The following PIP4K2A variants were observed in gnomAD, a reference collection of about 807,000 sequenced individuals.
PIP4K2A encodes phosphatidylinositol 5-phosphate 4-kinase type-2 alpha.
Under a neutral mutation model 42.9 loss-of-function variants are expected in PIP4K2A, and 14 were observed. The ratio of observed to expected loss-of-function variants is 0.33; its 90% CI spans 0.22 to 0.51. The LOEUF is 0.51. Among genes scored for constraint, PIP4K2A ranks in the 20% least tolerant of loss-of-function variants. The pLI is 0.97. For synonymous variants in PIP4K2A, 192 were observed against 192.2 expected (o/e 1.00, Z 0.01); for missense variants, 434 against 519.8 (o/e 0.83, Z 1.61).
chr10:22,549,544 A>AAAAT (rs1486803986), intron 7 of PIP4K2A, among the ~76,000 whole-genome samples: 1 of 152,128 alleles, frequency 6.6e-6, no homozygotes, highest in Non-Finnish European at 1.5e-5. Flanking sequence ...GAAGTCCAAG[A>AAAAT]AAATAACCTT....
At position 22,591,692 on chromosome 10, in the gene PIP4K2A, G is replaced by A. The variant is rs1837515299; in HGVS notation, c.429C>T (p.Ile143=). The A allele has an allele frequency of 6.2e-7, 1 of 1,613,624 alleles. No individual in the cohort carries two copies. Among genetic ancestry groups the A allele is most frequent in the Non-Finnish European group, 8.5e-7 (1 of 1,179,642 alleles). ...RFHTSYDKRY[I]IKTITSEDVA... is the part of the protein sequence containing the mutation. The stretch of plus-strand genomic sequence containing the variant: ...CGTCTTCACTGGTAATAGTCTTGAT[G>A]ATGTATCTTTTGTCGTAGGAAGTGT... The change falls in exon 4 of 10, where the codon ATC becomes ATT. Residue 143 remains isoleucine, a synonymous_variant. Coordinates refer to ENST00000376573, the MANE Select transcript of PIP4K2A (RefSeq NM_005028.5).
At chr10:22,550,825 A>T (rs1449134263) in intron 6 of PIP4K2A, 53 bp from the exon 7 acceptor site, 5 of 1,075,240 alleles carry the variant, frequency 4.7e-6, no homozygotes, top group Non-Finnish European at 7.2e-6. Context: ...AACCTAAAAA[A>T]ACCACATACA....
intron 1 of PIP4K2A, chr10:22,642,004 C>G (rs1838792407): frequency 6.6e-6 from 1 of 152,220 alleles, no homozygotes; most frequent in Non-Finnish European, 1.5e-5. Context: ...AGGACTCTTC[C>G]CATAATTTAA....
In PIP4K2A at chr10:22,714,385, T is replaced by C; in HGVS notation, c.-59A>G. ...CCCGAGGCCGGGGACCCGCCCTCTCTACACCCCGGCCCGGGGAGGCAGCCG... is the reference window on the plus strand; with the variant it reads ...CCCGAGGCCGGGGACCCGCCCTCTCCACACCCCGGCCCGGGGAGGCAGCCG... On this transcript the variant is annotated 5_prime_UTR_variant, in exon 1 of 10. It removes the in-frame stop codon of an upstream open reading frame in the 5' UTR. Coordinates refer to ENST00000376573, the MANE Select transcript of PIP4K2A (RefSeq NM_005028.5). 1 of 1,269,704 alleles carries C rather than the reference T, an allele frequency of 7.9e-7. No homozygotes were observed. Among genetic ancestry groups the C allele is most frequent in the Non-Finnish European group, 1.0e-6 (1 of 989,316 alleles). The allele number at this position is 1,269,704 out of a possible 1,614,324, so 78.7% of individuals were successfully genotyped here.
At chr10:22,623,086 CA>C (rs1838364967) in intron 1 of PIP4K2A, among the ~76,000 whole-genome samples, 1 of 151,928 alleles carries the variant, frequency 6.6e-6, no homozygotes, top group African/African-American at 2.4e-5. Flanking sequence ...CTGTGTAAAC[CA>C]ACATGGAACA....
chr10:22,700,136 C>A (rs1408227403), intron 1 of PIP4K2A, among the ~76,000 whole-genome samples: 4 of 152,152 alleles, frequency 2.6e-5, no homozygotes, highest in Admixed American at 2.0e-4. Context: ...GGTATGCAGT[C>A]CTGTTTCTCA....
chr10:22,568,186 C>G (rs1196680669), intron 5 of PIP4K2A, among the ~76,000 whole-genome samples: 1 of 152,264 alleles, frequency 6.6e-6, no homozygotes, highest in Non-Finnish European at 1.5e-5. Context: ...CTGACCATCA[C>G]TTACTTGAGC....
rs1027960347 is a variant in PIP4K2A at position 22,660,333 on chromosome 10, T to A, written c.145-50616A>T. ...TAAAATATAAAAAATTAGCCGGGTG[T>A]GGAAGCGCGTGCCTGTAATCCCAGC... is the stretch of plus-strand genomic sequence containing the variant. On this transcript the variant is annotated intron_variant, in intron 1 of 9. Coordinates refer to ENST00000376573, the MANE Select transcript of PIP4K2A (RefSeq NM_005028.5). Among the ~76,000 whole-genome samples, 5 of 151,992 alleles carry A rather than the reference T, an allele frequency of 3.3e-5. No homozygotes were observed. The East Asian group carries it at 9.6e-4, about 29-fold the overall frequency.
At chr10:22,615,793 T>A (rs75937098) in intron 1 of PIP4K2A, among the ~76,000 whole-genome samples, 5 of 152,162 alleles carry the variant, frequency 3.3e-5, no homozygotes, top group Non-Finnish European at 1.5e-5. Context: ...TGGTTGTCAA[T>A]CCCCTTTGGC....
chr10:22,664,218 CATATATATAT>C (rs71395811), intron 1 of PIP4K2A, among the ~76,000 whole-genome samples: 460 of 26,082 alleles, frequency 0.018, 23 homozygotes, highest in African/African-American at 0.066. Context: ...TATATATATA[CATATATATAT>C]ACACACACAC....
chr10:22,643,548 C>G (rs958540435), intron 1 of PIP4K2A, among the ~76,000 whole-genome samples: 2 of 152,150 alleles, frequency 1.3e-5, no homozygotes, highest in South Asian at 4.1e-4. Flanking sequence ...CAAAGATTGC[C>G]TAACCTGACC....
At chr10:22,597,693 T>C (rs1837664487) in intron 3 of PIP4K2A, among the ~76,000 whole-genome samples, 2 of 149,332 alleles carry the variant, frequency 1.3e-5, no homozygotes, top group African/African-American at 5.1e-5. Flanking sequence ...AAGATGAAAT[T>C]TGCAAGTTAA....
chr10:22,672,400 TAA>T (rs1839473086), intron 1 of PIP4K2A, among the ~76,000 whole-genome samples: 1 of 152,192 alleles, frequency 6.6e-6, no homozygotes. Flanking sequence ...AAAAAATGGA[TAA>T]AGAGATTTGT....
intron 1 of PIP4K2A, among the ~76,000 whole-genome samples, chr10:22,712,864 A>G (rs1174215651): frequency 2.0e-5 from 3 of 152,082 alleles, no homozygotes; most frequent in Non-Finnish European, 4.4e-5. Flanking sequence ...GGGAAGAAAA[A>G]TACAAAAACG....
chr10:22,593,866 G>C (rs1430523675), intron 3 of PIP4K2A, among the ~76,000 whole-genome samples: 1 of 152,182 alleles, frequency 6.6e-6, no homozygotes, highest in Non-Finnish European at 1.5e-5. Context: ...TTGGGGGATG[G>C]GGAATAGTAA....
intron 3 of PIP4K2A, among the ~76,000 whole-genome samples, chr10:22,605,790 T>C (rs988443861): frequency 2.6e-5 from 4 of 151,938 alleles, no homozygotes; most frequent in East Asian, 1.9e-4. Flanking sequence ...CAGCTTTTCT[T>C]AAGGCAGAGG....
Position 22,676,167 on chromosome 10 carries a change from AAAACTGTGGTCCCAGTAACAGTG to A in PIP4K2A, c.144+37993_144+38015del, listed in dbSNP as rs1839553999. Among the ~76,000 whole-genome samples, 25 of 152,324 alleles carry A rather than the reference AAAACTGTGGTCCCAGTAACAGTG, an allele frequency of 1.6e-4. 1 individual carries two copies. In the South Asian group the frequency reaches 5.2e-3, roughly 32 times the overall value. ...TGTTTCCATTGACAGCAGAGGCTCA[AAAACTGTGGTCCCAGTAACAGTG>A]CTTTCATTTCCCAAGTTTCTTCTGC... On this transcript the variant is annotated intron_variant, in intron 1 of 9. Transcript: ENST00000376573.
At chr10:22,643,160 C>T (rs1052521209) in intron 1 of PIP4K2A, among the ~76,000 whole-genome samples, 18 of 152,108 alleles carry the variant, frequency 1.2e-4, no homozygotes, top group African/African-American at 3.9e-4. Flanking sequence ...CTCCAAGTCT[C>T]GGGCCCCTTC....
chr10:22,645,229 C>G (rs1244637164), intron 1 of PIP4K2A, among the ~76,000 whole-genome samples: 1 of 152,144 alleles, frequency 6.6e-6, no homozygotes, highest in Non-Finnish European at 1.5e-5. Flanking sequence ...TATAACACCA[C>G]TAGTGTGTCT....
Sources: gnomAD v4.1 joint callset for allele counts (sites outside exome capture counted in the v4.1 genomes callset) on GRCh38, gnomAD v4.1.1 for gene constraint, MANE v1.5 for transcripts, NCBI Gene and HGNC (gene_info 2026-07-23, HGNC 2026-07-21) for gene names.